ALK: variants seen among roughly 807,000 people sequenced by gnomAD.
The protein encoded by ALK is ALK receptor tyrosine kinase.
ALK carries 74 observed loss-of-function variants against 163.1 expected under a neutral mutation model. That is an observed-to-expected ratio of 0.45 (90% CI 0.38 to 0.55). The LOEUF is 0.55. ALK is among the 20% of genes least tolerant of loss of function. ALK has a pLI of 0.00. For missense variants in ALK, 2,063 were observed against 2,105.3 expected (o/e 0.98, Z 0.39); for synonymous variants, 960 against 843.2 (o/e 1.14, Z -2.40).
chr2:29,876,428 T>C (rs1228590291), intron 1 of ALK, among the ~76,000 whole-genome samples: 1 of 137,534 alleles, frequency 7.3e-6, no homozygotes, highest in Non-Finnish European at 1.6e-5. Context: ...GGTGTGGTGA[T>C]GGTGATGGTA....
intron 1 of ALK, among the ~76,000 whole-genome samples, chr2:29,820,416 G>C (rs1387567020): frequency 6.6e-6 from 1 of 152,172 alleles, no homozygotes; most frequent in Non-Finnish European, 1.5e-5. Context: ...CATCTAGCTA[G>C]GGTGTTCCTA....
intron 3 of ALK, among the ~76,000 whole-genome samples, chr2:29,585,908 T>C (rs1420046098): frequency 2.0e-5 from 3 of 152,160 alleles, no homozygotes; most frequent in Admixed American, 2.0e-4. Flanking sequence ...CTAAGATACA[T>C]AACTACTATG....
rs560073118 is a variant in ALK, at chr2:29,698,649, A to T, written c.788-3635T>A. On this transcript the variant is annotated intron_variant, in intron 2 of 28. Transcript: ENST00000389048. ...ACAACAGACAGACAGTGCAATATAC[A>T]ATCCCAGCACCGAGCATATTAATTC... 4.6e-5 allele frequency among the ~76,000 whole-genome samples: 7 copies of T among 152,288 alleles called. No individual in the cohort carries two copies. In the South Asian group the frequency reaches 1.2e-3, roughly 27 times the overall value.
Position 29,732,497 on chromosome 2 carries a change from A to G in ALK, c.668-14800T>C, listed in dbSNP as rs77318754. Among the ~76,000 whole-genome samples the G allele has an allele frequency of 8.8e-3, 1,336 of 152,292 alleles. 21 individuals are homozygous for G. Among genetic ancestry groups the G allele is most frequent in the African/African-American group, 0.03 (1,247 of 41,548 alleles). ...CCTGAGGTAAATAGCAATTATATCT[A>G]TACTAGGTTTAACTCACCCTTGGGG... On this transcript the variant is annotated intron_variant, in intron 1 of 28. Coordinates refer to ENST00000389048, the MANE Select transcript of ALK (RefSeq NM_004304.5).
At chr2:29,632,921 T>C (rs1472732319) in intron 3 of ALK, among the ~76,000 whole-genome samples, 9 of 152,066 alleles carry the variant, frequency 5.9e-5, no homozygotes, top group African/African-American at 2.2e-4. Context: ...GGGAAACTGC[T>C]CCCATGATTC....
intron 3 of ALK, among the ~76,000 whole-genome samples, chr2:29,635,192 G>C (rs1369113888): frequency 1.3e-5 from 2 of 152,176 alleles, no homozygotes; most frequent in East Asian, 3.8e-4. Flanking sequence ...ATATAGTAAA[G>C]TTGTCAATTT....
intron 1 of ALK, among the ~76,000 whole-genome samples, chr2:29,816,819 G>A (rs1664910748): frequency 6.6e-6 from 1 of 152,214 alleles, no homozygotes; most frequent in Non-Finnish European, 1.5e-5. Flanking sequence ...GACGGGATGT[G>A]ATGTATGGTC....
intron 1 of ALK, among the ~76,000 whole-genome samples, chr2:29,875,026 A>G (rs1666668098): frequency 6.6e-6 from 1 of 152,150 alleles, no homozygotes; most frequent in Non-Finnish European, 1.5e-5. Context: ...CTAGGTACAC[A>G]CTCAAAAGAA....
intron 3 of ALK, among the ~76,000 whole-genome samples, chr2:29,593,041 T>C (rs1433309966): frequency 6.6e-6 from 1 of 152,232 alleles, no homozygotes; most frequent in Non-Finnish European, 1.5e-5. Flanking sequence ...GCACATGGCC[T>C]GAAGCAAATA....
At chr2:29,501,229 A>G (rs1672165863) in intron 4 of ALK, among the ~76,000 whole-genome samples, 2 of 152,000 alleles carry the variant, frequency 1.3e-5, no homozygotes, top group African/African-American at 4.8e-5. Context: ...TCAAGTCCCC[A>G]CCATCATTCC....
At chr2:29,580,220 C>T (rs1166921443) in intron 3 of ALK, among the ~76,000 whole-genome samples, 2 of 152,204 alleles carry the variant, frequency 1.3e-5, no homozygotes, top group African/African-American at 4.8e-5. Flanking sequence ...CAGTCAAACC[C>T]ATTTATCTCA....
At position 29,325,269 on chromosome 2, in the gene ALK, C is replaced by T. The variant is rs73920780; in HGVS notation, c.1414+3081G>A. Among the ~76,000 whole-genome samples the T allele has an allele frequency of 7.6e-3, 1,152 of 152,288 alleles. 25 individuals carry two copies. Among genetic ancestry groups the T allele is most frequent in the African/African-American group, 0.026 (1,070 of 41,564 alleles). Reference sequence around the variant, plus strand: ...TCAGAGGAAACATTTTAACAGGTTCCAGACCACCTGGAAAGAGCTGGTGTA... The same window carrying T: ...TCAGAGGAAACATTTTAACAGGTTCTAGACCACCTGGAAAGAGCTGGTGTA... On this transcript the variant is annotated intron_variant, in intron 6 of 28. Transcript: ENST00000389048.
At chr2:29,294,138 G>T (rs1397116414) in intron 9 of ALK, among the ~76,000 whole-genome samples, 1 of 152,152 alleles carries the variant, frequency 6.6e-6, no homozygotes, top group Admixed American at 6.5e-5. Context: ...AAGAGAGTTG[G>T]TTTTTCTTTG....
intron 4 of ALK, among the ~76,000 whole-genome samples, chr2:29,506,800 C>T (rs764579782): frequency 5.3e-5 from 8 of 151,644 alleles, no homozygotes; most frequent in African/African-American, 1.2e-4. Context: ...TAAAGAAGAC[C>T]GAAACAGTGT....
intron 1 of ALK, among the ~76,000 whole-genome samples, chr2:29,918,489 G>A (rs1338584441): frequency 1.3e-5 from 2 of 152,184 alleles, no homozygotes; most frequent in Non-Finnish European, 2.9e-5. Context: ...GTTCACTGAA[G>A]GCACTATCAA....
chr2:29,686,125 G>A (rs1308223383), intron 3 of ALK, among the ~76,000 whole-genome samples: 2 of 152,186 alleles, frequency 1.3e-5, no homozygotes, highest in African/African-American at 4.8e-5. Flanking sequence ...AGGTTCTAGG[G>A]ATCGGGGCAT....
At chr2:29,669,229 A>C (rs142741810) in intron 3 of ALK, among the ~76,000 whole-genome samples, 3 of 152,192 alleles carry the variant, frequency 2.0e-5, no homozygotes, top group African/African-American at 7.2e-5. Flanking sequence ...ACTGTAGTCT[A>C]TCTCTCCCTT....
chr2:29,393,029 A>G (rs201947297), intron 4 of ALK, among the ~76,000 whole-genome samples: 150 of 9,302 alleles, frequency 0.016, 1 homozygote, highest in East Asian at 0.018. Context: ...AGGTCACTGA[A>G]TGTTCAAGGT....
chr2:29,699,426 A>T (rs1678667787), intron 2 of ALK, among the ~76,000 whole-genome samples: 1 of 152,204 alleles, frequency 6.6e-6, no homozygotes, highest in African/African-American at 2.4e-5. Flanking sequence ...GCAGACCCAG[A>T]GAGTGACCTA....
Sources: gnomAD v4.1 joint callset for allele counts (sites outside exome capture counted in the v4.1 genomes callset) on GRCh38, gnomAD v4.1.1 for gene constraint, MANE v1.5 for transcripts, NCBI Gene and HGNC (gene_info 2026-07-23, HGNC 2026-07-21) for gene names.